Variants in ACAN observed in about 807,000 individuals in gnomAD.
ACAN encodes the protein aggrecan, also known as aggrecan core protein.
ACAN carries 47 observed loss-of-function variants against 169.1 expected under a neutral mutation model. The observed-to-expected ratio is 0.28, with a 90% CI of 0.22 to 0.35. The LOEUF (loss-of-function observed/expected upper bound fraction) is 0.35. Among genes scored for constraint, ACAN ranks in the 10% least tolerant of loss-of-function variants. ACAN has a pLI of 1.00. For synonymous variants in ACAN, 1,115 were observed against 1,112.2 expected (o/e 1.00, Z -0.05); for missense variants, 2,716 against 2,759.9 (o/e 0.98, Z 0.36).
At chr15:88,860,156 C>A (rs185920228) in intron 12 of ACAN, among the ~76,000 whole-genome samples, 170 bp from the exon 13 acceptor site, 64 of 147,382 alleles carry the variant, frequency 4.3e-4, no homozygotes, top group African/African-American at 1.5e-3. Flanking sequence ...AGAGCTCCCC[C>A]CGATGCTGTG....
rs73467846 is a variant in ACAN, at chr15:88,814,706, C to T, written c.-8+10897C>T. 0.016 allele frequency among the ~76,000 whole-genome samples: 2,458 copies of T among 152,324 alleles called. 65 individuals are homozygous for T. Among genetic ancestry groups the T allele is most frequent in the African/African-American group, 0.056 (2,341 of 41,564 alleles). ...TTGATTGTACCCGACTCCTTCAACC[C>T]TTCTCTGGGACTGCGCTGCAGATGT... On this transcript the variant is annotated intron_variant, in intron 1 of 18. Transcript: ENST00000560601. This position sits in a 1 kb window ranked among gnomAD's most constrained non-coding sequence, Gnocchi z 4.0.
At chr15:88,836,344 C>A in intron 2 of ACAN, 68 bp downstream of exon 2, 1 of 1,353,604 alleles carries the variant, frequency 7.4e-7, no homozygotes. Flanking sequence ...GTACTGGGTA[C>A]TGAACCTGGT....
intron 6 of ACAN, among the ~76,000 whole-genome samples, chr15:88,844,254 C>T (rs1052286712): frequency 6.6e-6 from 1 of 151,284 alleles, no homozygotes; most frequent in African/African-American, 2.4e-5. Context: ...CCTGCCTCAG[C>T]CTCCCATGCA....
Position 88,814,747 on chromosome 15 carries a change from G to A in ACAN, c.-8+10938G>A, listed in dbSNP as rs1237239812. On this transcript the variant is annotated intron_variant, in intron 1 of 18. Transcript: ENST00000560601. This position sits in a 1 kb window ranked among gnomAD's most constrained non-coding sequence, Gnocchi z 4.0. ...CTGCAGATGTTGTACTACAAAGGCTGGATCAACAAGAACTCCTCTTCAGGT... is the reference window on the plus strand; with the variant it reads ...CTGCAGATGTTGTACTACAAAGGCTAGATCAACAAGAACTCCTCTTCAGGT... 1.3e-5 allele frequency among the ~76,000 whole-genome samples: 2 copies of A among 152,198 alleles called. No homozygotes were observed. Among genetic ancestry groups the A allele is most frequent in the African/African-American group, 4.8e-5 (2 of 41,450 alleles).
At chr15:88,823,358 G>C (rs1247114611) in intron 1 of ACAN, among the ~76,000 whole-genome samples, 2 of 152,034 alleles carry the variant, frequency 1.3e-5, no homozygotes, top group Non-Finnish European at 2.9e-5. Context: ...GACTGGAGCA[G>C]AAGGCTGAGA....
Position 88,871,422 on chromosome 15 carries a change from C to G in ACAN, c.7101C>G (p.Gly2367=). The change falls in exon 15 of 19, where the codon GGC becomes GGG. Residue 2367 remains glycine (G), a synonymous_variant. Transcript: ENST00000560601. The surrounding 1 kb of genome is among the most constrained non-coding windows in gnomAD (Gnocchi z 7.8). ...VCEEGWNKYQ[G]HCYRHFPDRE... ...AGGAGGGCTGGAACAAGTACCAGGG[C>G]CACTGTTACCGCCACTTCCCGGACC... 1 of 1,613,956 alleles carries G rather than the reference C, an allele frequency of 6.2e-7. No individual in the cohort carries two copies. The highest frequency in any genetic ancestry group is 1.1e-5 in the South Asian group (1 of 91,076).
rs776974972 is a variant in ACAN at position 88,849,798 on chromosome 15, A to C, written c.2026+67A>C. 14 of 1,561,852 alleles carry C rather than the reference A, an allele frequency of 9.0e-6. No homozygotes were observed. Among genetic ancestry groups the C allele is most frequent in the African/African-American group, 1.4e-5 (1 of 73,532 alleles). ...GAGAGGACCCCACTGGGTTCACCGG[A>C]TCCTGCCACCACCCAGTATCCCATC... On this transcript the variant is annotated intron_variant, in intron 10 of 18. Transcript: ENST00000560601. The surrounding 1 kb of genome is among the most constrained non-coding windows in gnomAD (Gnocchi z 5.1).
At chr15:88,852,635 T>C (rs1896956422) in intron 11 of ACAN, among the ~76,000 whole-genome samples, 1 of 152,210 alleles carries the variant, frequency 6.6e-6, no homozygotes, top group African/African-American at 2.4e-5. Flanking sequence ...AATGCTGGCT[T>C]ACAGAGATTA....
Position 88,861,619 on chromosome 15 carries a change from G to A in ACAN, c.6946+1180G>A, listed in dbSNP as rs911829503. Among the ~76,000 whole-genome samples, 2 of 152,064 alleles carry A rather than the reference G, an allele frequency of 1.3e-5. No individual in the cohort carries two copies. Among genetic ancestry groups the A allele is most frequent in the Non-Finnish European group, 2.9e-5 (2 of 68,022 alleles). Reference sequence around the variant, plus strand: ...CGTGTGGGCTGCAAGGACAGAGAGGGTGGGCTATCCTGGGAAGGTCCCGGG... The same window carrying A: ...CGTGTGGGCTGCAAGGACAGAGAGGATGGGCTATCCTGGGAAGGTCCCGGG... On this transcript the variant is annotated intron_variant, in intron 13 of 18. Coordinates refer to ENST00000560601, the MANE Select transcript of ACAN (RefSeq NM_001369268.1). This position sits in a 1 kb window ranked among gnomAD's most constrained non-coding sequence, Gnocchi z 6.3.
rs115822826 is a variant in ACAN, at chr15:88,830,239, G to C, written c.-7-5961G>C. Among the ~76,000 whole-genome samples, 896 of 152,340 alleles carry C rather than the reference G, an allele frequency of 5.9e-3. 11 individuals are homozygous for C. Among genetic ancestry groups the C allele is most frequent in the African/African-American group, 0.02 (850 of 41,582 alleles). On this transcript the variant is annotated intron_variant, in intron 1 of 18. Coordinates refer to ENST00000560601, the MANE Select transcript of ACAN (RefSeq NM_001369268.1). ...AGGGACACATGGAGGACAGCACAAT[G>C]AATGGAGAATGAGGCTTCATTCAAA...
In ACAN at chr15:88,845,825, A is replaced by G. The variant is rs780169895; in HGVS notation, c.1372A>G (p.Ser458Gly). 5.3e-6 allele frequency: 8 copies of G among 1,522,856 alleles called. No individual in the cohort carries two copies. Among genetic ancestry groups the G allele is most frequent in the South Asian group, 1.3e-5 (1 of 76,798 alleles). 94.3% of individuals were successfully genotyped at this position (1,522,856 alleles called of 1,614,324 possible). A position where few individuals can be genotyped will look rare whatever the true frequency, so the allele number is the denominator to read the frequency against. The change falls in exon 7 of 19, where the codon AGT becomes GGT. Residue 458 changes from serine to glycine, a missense_variant. Physicochemically the swap from Ser to Gly is moderately conservative, Grantham distance 56. Transcript: ENST00000560601. ...CCTGGGCCCTGCCACGGCATTCACC[A>G]GTGAGGACCTCGTCGTGCAGGTGAC... Reference protein sequence around the residue: ...PGLGPATAFTSEDLVVQVTAV... With the variant: ...PGLGPATAFTGEDLVVQVTAV...
intron 1 of ACAN, among the ~76,000 whole-genome samples, chr15:88,824,721 A>G (rs1161992899): frequency 6.6e-6 from 1 of 152,034 alleles, no homozygotes; most frequent in Non-Finnish European, 1.5e-5. Context: ...TCTACTAAAA[A>G]TACAAAAATT....
rs376206831 is a variant in ACAN, at chr15:88,871,509, C to T, written c.7188C>T (p.Ile2396=). 28 of 1,613,542 alleles carry T rather than the reference C, an allele frequency of 1.7e-5. No individual in the cohort carries two copies. Among genetic ancestry groups the T allele is most frequent in the African/African-American group, 6.7e-5 (5 of 75,054 alleles). Residue 2396 remains isoleucine, a synonymous_variant, in exon 15 of 19, where the codon ATC becomes ATT. Coordinates refer to ENST00000560601, the MANE Select transcript of ACAN (RefSeq NM_001369268.1). The surrounding 1 kb of genome is among the most constrained non-coding windows in gnomAD (Gnocchi z 7.8). The part of the protein sequence containing the change: ...CREQQSHLSS[I]VTPEEQEFVN... Reference sequence around the variant, plus strand: ...AGCAGCAGTCACACCTGAGCAGCATCGTCACCCCCGAGGAGCAGGAGTTTG... The same window carrying T: ...AGCAGCAGTCACACCTGAGCAGCATTGTCACCCCCGAGGAGCAGGAGTTTG...
rs545563554 is a variant in ACAN at position 88,836,197 on chromosome 15, C to T, written c.-7-3C>T. ...AATAACGCCTCTGCCTCCCCTCTTC[C>T]AGGTGAACTATGACCACTTTACTCT... On this transcript the variant is annotated splice_region_variant and splice_polypyrimidine_tract_variant and intron_variant, in intron 1 of 18. Coordinates refer to ENST00000560601, the MANE Select transcript of ACAN (RefSeq NM_001369268.1). The T allele has an allele frequency of 5.1e-5, 83 of 1,612,642 alleles. No homozygotes were observed. The South Asian group carries it at 8.3e-4, about 16-fold the overall frequency.
intron 11 of ACAN, among the ~76,000 whole-genome samples, chr15:88,854,220 GCACAGTTCTTACACTGAAGTGAGC>G (rs1896996849): frequency 6.6e-6 from 1 of 152,148 alleles, no homozygotes; most frequent in African/African-American, 2.4e-5. Context: ...GGCTTAAAAT[GCACAGTTCTTACACTGAAGTGAGC>G]CCCAGCATCA....
intron 1 of ACAN, among the ~76,000 whole-genome samples, chr15:88,810,065 G>C (rs1895780950): frequency 2.0e-5 from 3 of 152,166 alleles, no homozygotes; most frequent in Admixed American, 6.5e-5. Flanking sequence ...GGTCACCACA[G>C]CGTCTTCTTC....
In ACAN at chr15:88,873,967, A is replaced by G; in HGVS notation, c.7573A>G (p.Thr2525Ala). The change falls in exon 18 of 19, where the codon ACC becomes GCC. Residue 2525 changes from threonine (T) to alanine (A), a missense_variant. Coordinates refer to ENST00000560601, the MANE Select transcript of ACAN (RefSeq NM_001369268.1). This position sits in a 1 kb window ranked among gnomAD's most constrained non-coding sequence, Gnocchi z 7.5. The stretch of plus-strand genomic sequence containing the variant: ...GGGGTTTGTCCAGCGCCACATGCCC[A>G]CCATCCGGTGCCAGCCCAGCGGGCA... ...TEGFVQRHMP[T>A]IRCQPSGHWE... is the part of the protein sequence containing the mutation. The G allele has an allele frequency of 1.2e-6, 2 of 1,613,034 alleles. No individual in the cohort carries two copies. Among genetic ancestry groups the G allele is most frequent in the South Asian group, 2.2e-5 (2 of 91,058 alleles).
At chr15:88,822,051 A>G (rs1226412755) in intron 1 of ACAN, among the ~76,000 whole-genome samples, 3 of 152,312 alleles carry the variant, frequency 2.0e-5, no homozygotes, top group East Asian at 3.9e-4. Context: ...CTTGCTAACC[A>G]GGGAAGCTCA....
chr15:88,843,744 C>T lies in ACAN; in HGVS notation c.1051+96C>T, dbSNP rs1896726424. The T allele has an allele frequency of 4.1e-6, 6 of 1,461,834 alleles. No homozygotes were observed. Among genetic ancestry groups the T allele is most frequent in the African/African-American group, 1.4e-5 (1 of 71,020 alleles). The allele number at this position is 1,461,834 out of a possible 1,614,324, so 90.6% of individuals were successfully genotyped here. On this transcript the variant is annotated intron_variant, in intron 6 of 18. Transcript: ENST00000560601. This position sits in a 1 kb window ranked among gnomAD's most constrained non-coding sequence, Gnocchi z 4.0. ...TTGGAAAGGGAGGGTTGGTTTTTGC[C>T]CTTGAAGGGGCCACGGGGTACCTGA...
Sources: gnomAD v4.1 joint callset for allele counts (sites outside exome capture counted in the v4.1 genomes callset) on GRCh38, gnomAD v4.1.1 for gene constraint, Gnocchi (gnomAD v3.1) non-coding constraint, MANE v1.5 for transcripts, NCBI Gene and HGNC (gene_info 2026-07-23, HGNC 2026-07-21) for gene names.